CDIN1: variants seen among roughly 807,000 people sequenced by gnomAD.
CDIN1 encodes CDAN1 interacting nuclease 1.
In CDIN1, 33 loss-of-function variants were observed where a neutral mutation model predicts 45.3. The ratio of observed to expected loss-of-function variants is 0.73; its 90% confidence interval spans 0.55 to 0.97. The LOEUF is 0.97. Among genes scored for constraint, CDIN1 ranks in the 50% least tolerant of loss-of-function variants. The pLI, the probability that CDIN1 is intolerant of heterozygous loss-of-function variation, is 0.00. For synonymous variants in CDIN1, 118 were observed against 124.4 expected (o/e 0.95, Z 0.34); for missense variants, 303 against 339.4 (o/e 0.89, Z 0.84).
intron 10 of CDIN1, among the ~76,000 whole-genome samples, chr15:36,795,801 C>G (rs960444685): frequency 6.6e-6 from 1 of 152,064 alleles, no homozygotes; most frequent in Non-Finnish European, 1.5e-5. Context: ...CTCCTGGGCC[C>G]AAGCAATCTT....
intron 5 of CDIN1, among the ~76,000 whole-genome samples, chr15:36,689,636 C>G (rs1476368435): frequency 1.3e-5 from 2 of 152,158 alleles, no homozygotes; most frequent in African/African-American, 4.8e-5. Flanking sequence ...TCTGACTGGC[C>G]AGGCCTTAGA....
chr15:36,713,014 T>C (rs1233098049), intron 10 of CDIN1, among the ~76,000 whole-genome samples: 1 of 152,182 alleles, frequency 6.6e-6, no homozygotes, highest in African/African-American at 2.4e-5. Flanking sequence ...TTTGACAATT[T>C]GGCATCTATT....
At chr15:36,655,476 GCCACCATGCCCAGCTAATTTTT>G (rs1304173088) in intron 4 of CDIN1, among the ~76,000 whole-genome samples, 2 of 152,022 alleles carry the variant, frequency 1.3e-5, no homozygotes, top group Non-Finnish European at 2.9e-5. Context: ...ACAGGCCTGT[GCCACCATGCCCAGCTAATTTTT>G]GTATTTTTAG....
intron 10 of CDIN1, among the ~76,000 whole-genome samples, chr15:36,749,414 G>C (rs1368186328): frequency 2.0e-5 from 3 of 152,126 alleles, no homozygotes; most frequent in African/African-American, 7.2e-5. Context: ...TTGTCCTTTA[G>C]GGAACTGGAG....
chr15:36,783,784 G>A (rs2054415104), intron 10 of CDIN1, among the ~76,000 whole-genome samples: 1 of 152,138 alleles, frequency 6.6e-6, no homozygotes. Flanking sequence ...GTACCACAAA[G>A]CCAGCTAAAC....
intron 1 of CDIN1, among the ~76,000 whole-genome samples, chr15:36,625,546 G>GA (rs1302696133): frequency 6.6e-6 from 1 of 152,102 alleles, no homozygotes; most frequent in Non-Finnish European, 1.5e-5. Flanking sequence ...AAATTTAGGG[G>GA]AAAAAATTCG....
Position 36,751,227 on chromosome 15 carries a change from TTTTATA to T in CDIN1, c.716+41268_716+41273del, listed in dbSNP as rs1309870453. On this transcript the variant is annotated intron_variant, in intron 10 of 10. Coordinates refer to ENST00000566621, the MANE Select transcript of CDIN1 (RefSeq NM_001321759.2). ...TGATAAAAGCATATATATATGCTTA[TTTTATA>T]TATATATATATATATATATATATAT... Among the ~76,000 whole-genome samples the T allele has an allele frequency of 7.0e-4, 24 of 34,396 alleles. 1 individual carries two copies. The highest frequency in any genetic ancestry group is 3.5e-3 in the African/African-American group (23 of 6,490). The allele number at this position is 34,396 out of a possible 152,430, so 22.6% of individuals were successfully genotyped here. A position where few individuals can be genotyped will look rare whatever the true frequency, so the allele number is the denominator to read the frequency against.
At chr15:36,702,637 A>T (rs899404903) in intron 8 of CDIN1, among the ~76,000 whole-genome samples, 1 of 152,158 alleles carries the variant, frequency 6.6e-6, no homozygotes, top group East Asian at 1.9e-4. Flanking sequence ...ACTAGATTAT[A>T]TACACAAAAA....
chr15:36,765,271 G>T (rs554068192), intron 10 of CDIN1, among the ~76,000 whole-genome samples: 1 of 151,886 alleles, frequency 6.6e-6, no homozygotes, highest in Non-Finnish European at 1.5e-5. Flanking sequence ...GGTCAGGCTG[G>T]TCTTGAACTC....
intron 10 of CDIN1, among the ~76,000 whole-genome samples, chr15:36,726,020 G>T (rs954654003): frequency 6.6e-6 from 1 of 152,174 alleles, no homozygotes; most frequent in Admixed American, 6.5e-5. Flanking sequence ...GGAAAAAGGA[G>T]TATTCAAGTA....
intron 1 of CDIN1, among the ~76,000 whole-genome samples, chr15:36,603,662 T>C (rs866917155): frequency 6.6e-6 from 1 of 152,210 alleles, no homozygotes; most frequent in Non-Finnish European, 1.5e-5. Flanking sequence ...TCTCCTATTA[T>C]ATCATTGAAA....
intron 7 of CDIN1, 44 bp downstream of exon 7, chr15:36,692,219 A>G (rs1355572034): frequency 1.3e-6 from 2 of 1,567,984 alleles, no homozygotes; most frequent in Non-Finnish European, 8.8e-7. Context: ...TGACGAGCTT[A>G]GACTCAGTGG....
chr15:36,728,573 C>A lies in CDIN1; in HGVS notation c.716+18612C>A, dbSNP rs2043725684. ...TCCTTTTTTTTTTTTTTTTTAAATG[C>A]CACGCTTATTTTTGGTCTCTCTCAT... is the stretch of plus-strand genomic sequence containing the variant. On this transcript the variant is annotated intron_variant, in intron 10 of 10. Transcript: ENST00000566621. Among the ~76,000 whole-genome samples the A allele has an allele frequency of 2.0e-5, 3 of 149,724 alleles. No homozygotes were observed. The South Asian group carries it at 6.3e-4, about 31-fold the overall frequency.
chr15:36,719,800 G>T (rs1404891488), intron 10 of CDIN1, among the ~76,000 whole-genome samples: 4 of 152,094 alleles, frequency 2.6e-5, no homozygotes, highest in Non-Finnish European at 4.4e-5. Flanking sequence ...CGATTTCTTA[G>T]TAGTTATAAG....
chr15:36,680,103 T>A (rs946191895), intron 5 of CDIN1, among the ~76,000 whole-genome samples: 1 of 152,218 alleles, frequency 6.6e-6, no homozygotes, highest in Non-Finnish European at 1.5e-5. Context: ...GCCTGAGACA[T>A]CATGGCAGCT....
intron 10 of CDIN1, among the ~76,000 whole-genome samples, chr15:36,752,878 C>A (rs1391307047): frequency 2.6e-5 from 4 of 152,172 alleles, no homozygotes; most frequent in African/African-American, 9.7e-5. Context: ...TAACTTGTCA[C>A]TATTCCCAGC....
intron 3 of CDIN1, among the ~76,000 whole-genome samples, chr15:36,649,221 C>G (rs991592471): frequency 1.3e-5 from 2 of 152,172 alleles, no homozygotes; most frequent in African/African-American, 4.8e-5. Context: ...AGTTTTCACA[C>G]TGGTATAATG....
chr15:36,749,565 G>A (rs568980249), intron 10 of CDIN1, among the ~76,000 whole-genome samples: 2 of 152,254 alleles, frequency 1.3e-5, no homozygotes, highest in Admixed American at 6.5e-5. Flanking sequence ...TCTGTGGCAC[G>A]ATTCAGACTG....
chr15:36,719,701 ATTTC>A (rs2043340908), intron 10 of CDIN1, among the ~76,000 whole-genome samples: 2 of 151,974 alleles, frequency 1.3e-5, no homozygotes, highest in Non-Finnish European at 2.9e-5. Flanking sequence ...AATTGCTATT[ATTTC>A]TTCCTTAAAT....
Sources: allele counts gnomAD v4.1 joint callset (sites outside exome capture counted in the v4.1 genomes callset), GRCh38; gene constraint gnomAD v4.1.1; transcripts MANE v1.5; gene names NCBI Gene and HGNC (gene_info 2026-07-23, HGNC 2026-07-21).